SDK1: variants seen among roughly 807,000 people sequenced by gnomAD.
SDK1 encodes protein sidekick-1.
In SDK1, 157 loss-of-function variants were observed where a neutral mutation model predicts 245.5. That is an observed-to-expected ratio of 0.64 (90% CI 0.56 to 0.73). SDK1 has a LOEUF of 0.73. SDK1 is among the 30% of genes least tolerant of loss of function. The pLI, the probability that SDK1 is intolerant of heterozygous loss-of-function variation, is 0.00. For synonymous variants in SDK1, 1,647 were observed against 1,278.5 expected (o/e 1.29, Z -6.15); for missense variants, 3,583 against 3,002.3 (o/e 1.19, Z -4.52).
At chr7:3,788,142 C>T (rs1780964351) in intron 4 of SDK1, among the ~76,000 whole-genome samples, 1 of 152,310 alleles carries the variant, frequency 6.6e-6, no homozygotes, top group Non-Finnish European at 1.5e-5. Flanking sequence ...GGAAGCCACT[C>T]TGCACTCACT....
chr7:3,793,299 T>A (rs1259448539), intron 4 of SDK1, among the ~76,000 whole-genome samples: 1 of 152,210 alleles, frequency 6.6e-6, no homozygotes, highest in East Asian at 1.9e-4. Context: ...TTGTCTTCCA[T>A]TCCTCTTTGA....
intron 40 of SDK1, among the ~76,000 whole-genome samples, chr7:4,228,366 C>G (rs1301228527): frequency 6.6e-6 from 1 of 152,204 alleles, no homozygotes; most frequent in Non-Finnish European, 1.5e-5. Flanking sequence ...GCACCTCCGC[C>G]CTCCACAGAC....
At chr7:3,500,597 T>C (rs1159424236) in intron 1 of SDK1, among the ~76,000 whole-genome samples, 1 of 152,214 alleles carries the variant, frequency 6.6e-6, no homozygotes, top group South Asian at 2.1e-4. Flanking sequence ...TCCAGTGTTT[T>C]GAAATTTCAC....
chr7:3,955,720 T>A (rs577204900), intron 7 of SDK1, among the ~76,000 whole-genome samples: 207 of 152,312 alleles, frequency 1.4e-3, no homozygotes, highest in African/African-American at 4.9e-3. Flanking sequence ...AGAAGCCAAA[T>A]CCCAGCAGCA....
intron 35 of SDK1, among the ~76,000 whole-genome samples, chr7:4,197,569 CGGGCT>C (rs1399417272): frequency 1.3e-5 from 2 of 152,312 alleles, no homozygotes; most frequent in East Asian, 3.9e-4. Flanking sequence ...AATAGCCAGC[CGGGCT>C]GGGCTCGTGT....
At chr7:4,211,929 G>A (rs1056710378) in intron 38 of SDK1, among the ~76,000 whole-genome samples, 1 of 152,170 alleles carries the variant, frequency 6.6e-6, no homozygotes, top group South Asian at 2.1e-4. Flanking sequence ...TGTTATTCCA[G>A]TGCCTTCTGT....
chr7:3,368,486 A>C (rs1781145245), intron 1 of SDK1, among the ~76,000 whole-genome samples: 1 of 152,128 alleles, frequency 6.6e-6, no homozygotes, highest in African/African-American at 2.4e-5. Flanking sequence ...ATCAGTATGG[A>C]GTAGGGGGAT....
At chr7:3,576,210 C>A (rs964471481) in intron 1 of SDK1, among the ~76,000 whole-genome samples, 5 of 152,146 alleles carry the variant, frequency 3.3e-5, no homozygotes, top group African/African-American at 1.2e-4. Context: ...AATAATAATG[C>A]TGTGCCATTC....
At chr7:3,362,667 C>G (rs1281750658) in intron 1 of SDK1, among the ~76,000 whole-genome samples, 2 of 151,990 alleles carry the variant, frequency 1.3e-5, no homozygotes, top group Admixed American at 6.6e-5. Flanking sequence ...TAAGCCAGCA[C>G]TTTGTAGTGT....
chr7:4,089,976 C>T (rs545386317), intron 22 of SDK1, among the ~76,000 whole-genome samples: 5 of 152,246 alleles, frequency 3.3e-5, no homozygotes, highest in South Asian at 2.1e-4. Flanking sequence ...GACTACAGGC[C>T]GGTTATTTCC....
At chr7:3,793,357 C>T (rs781013862) in intron 4 of SDK1, among the ~76,000 whole-genome samples, 4 of 152,090 alleles carry the variant, frequency 2.6e-5, no homozygotes, top group Non-Finnish European at 5.9e-5. Flanking sequence ...GTTGTATTCT[C>T]CTTGGATAGA....
chr7:3,887,263 C>A (rs1314465127), intron 5 of SDK1, among the ~76,000 whole-genome samples: 1 of 152,144 alleles, frequency 6.6e-6, no homozygotes, highest in East Asian at 1.9e-4. Context: ...TGTGCTTGGA[C>A]CTTTCACTAA....
At chr7:3,689,678 G>A (rs554183753) in intron 4 of SDK1, among the ~76,000 whole-genome samples, 3 of 152,238 alleles carry the variant, frequency 2.0e-5, no homozygotes, top group Non-Finnish European at 4.4e-5. Flanking sequence ...TTTCCTCTCT[G>A]TTTCTTACTT....
At position 3,521,394 on chromosome 7, in the gene SDK1, G is replaced by A. The variant is rs1187972047; in HGVS notation, c.299-97686G>A. Among the ~76,000 whole-genome samples, 3 of 151,300 alleles carry A rather than the reference G, an allele frequency of 2.0e-5. No individual in the cohort carries two copies. In the South Asian group the frequency reaches 6.3e-4, roughly 32 times the overall value. Reference sequence around the variant, plus strand: ...ATCCGGAACATGGACATCTTTTGGGGGCCACTCTGCCTACCACAGTGAGCC... The same window carrying A: ...ATCCGGAACATGGACATCTTTTGGGAGCCACTCTGCCTACCACAGTGAGCC... On this transcript the variant is annotated intron_variant, in intron 1 of 44. Coordinates refer to ENST00000404826, the MANE Select transcript of SDK1 (RefSeq NM_152744.4).
At chr7:3,841,573 CTT>C (rs553320567) in intron 5 of SDK1, among the ~76,000 whole-genome samples, 1 of 146,422 alleles carries the variant, frequency 6.8e-6, no homozygotes. Flanking sequence ...TTCTCTTTTT[CTT>C]TTTTTTTTTG....
chr7:3,553,255 G>A (rs186247530), intron 1 of SDK1, among the ~76,000 whole-genome samples: 2 of 152,204 alleles, frequency 1.3e-5, no homozygotes, highest in East Asian at 3.9e-4. Context: ...CAATCTAGGA[G>A]GCAGTTATTT....
chr7:3,419,188 A>G (rs957185218), intron 1 of SDK1, among the ~76,000 whole-genome samples: 3 of 152,366 alleles, frequency 2.0e-5, no homozygotes, highest in Admixed American at 2.0e-4. Flanking sequence ...CCTGTAAGGA[A>G]TCAGTCCTTT....
chr7:4,050,078 C>T (rs566043734), intron 18 of SDK1, among the ~76,000 whole-genome samples: 2 of 152,302 alleles, frequency 1.3e-5, no homozygotes, highest in Admixed American at 6.5e-5. Flanking sequence ...TCAGCTTCTC[C>T]TGATTGGATT....
chr7:3,652,744 C>T (rs900921680), intron 4 of SDK1, among the ~76,000 whole-genome samples: 2 of 152,134 alleles, frequency 1.3e-5, no homozygotes, highest in African/African-American at 4.8e-5. Flanking sequence ...TTTGGAAGTT[C>T]TGATGCCACT....
Sources: allele counts gnomAD v4.1 joint callset (sites outside exome capture counted in the v4.1 genomes callset), GRCh38; gene constraint gnomAD v4.1.1; transcripts MANE v1.5; gene names NCBI Gene and HGNC (gene_info 2026-07-23, HGNC 2026-07-21).